NAALADL2: variants seen among roughly 807,000 people sequenced by gnomAD.
NAALADL2 encodes the protein N-acetylated alpha-linked acidic dipeptidase like 2, also known as inactive N-acetylated-alpha-linked acidic dipeptidase-like protein 2.
In NAALADL2, 76 loss-of-function variants were observed where a neutral mutation model predicts 87.2. That is an observed-to-expected ratio of 0.87 (90% CI 0.72 to 1.05). The LOEUF (loss-of-function observed/expected upper bound fraction) is 1.05. Among genes scored for constraint, NAALADL2 ranks in the 50% least tolerant of loss-of-function variants. The pLI is 0.00. For missense variants in NAALADL2, 1,089 were observed against 945.8 expected (o/e 1.15, Z -1.99); for synonymous variants, 354 against 331.0 (o/e 1.07, Z -0.75).
At chr3:175,288,932 A>C (rs1025322540) in intron 4 of NAALADL2, among the ~76,000 whole-genome samples, 2 of 152,172 alleles carry the variant, frequency 1.3e-5, no homozygotes, top group African/African-American at 4.8e-5. Context: ...GGAGGTCAAA[A>C]GAGACAAAAC....
intron 13 of NAALADL2, among the ~76,000 whole-genome samples, chr3:175,759,839 TG>T (rs1747765154): frequency 6.6e-6 from 1 of 152,074 alleles, no homozygotes; most frequent in East Asian, 1.9e-4. Flanking sequence ...ATTGGGTTAG[TG>T]GTTATGGAAA....
At chr3:174,884,050 C>T (rs562484577) in intron 1 of NAALADL2, among the ~76,000 whole-genome samples, 1 of 152,216 alleles carries the variant, frequency 6.6e-6, no homozygotes, top group African/African-American at 2.4e-5. Flanking sequence ...CCGAAGAGTC[C>T]AGGTGGCAAT....
At chr3:175,617,417 C>T (rs977622477) in intron 10 of NAALADL2, among the ~76,000 whole-genome samples, 1 of 152,154 alleles carries the variant, frequency 6.6e-6, no homozygotes, top group South Asian at 2.1e-4. Flanking sequence ...ACAGTCCACC[C>T]TCCAGTTGTC....
chr3:175,522,084 T>C (rs999318886), intron 9 of NAALADL2, among the ~76,000 whole-genome samples: 22 of 152,342 alleles, frequency 1.4e-4, no homozygotes, highest in Admixed American at 8.5e-4. Context: ...TTAATTTTCC[T>C]ATTAGCTATA....
At chr3:175,462,069 C>T (rs1039630090) in intron 6 of NAALADL2, among the ~76,000 whole-genome samples, 1 of 152,110 alleles carries the variant, frequency 6.6e-6, no homozygotes, top group African/African-American at 2.4e-5. Flanking sequence ...GAATATACAA[C>T]ACAAAAAGTG....
chr3:175,635,557 AC>A (rs1277564108), intron 11 of NAALADL2, among the ~76,000 whole-genome samples: 1 of 152,152 alleles, frequency 6.6e-6, no homozygotes, highest in Non-Finnish European at 1.5e-5. Context: ...GCAGAAGAAA[AC>A]TATTTTAATA....
intron 4 of NAALADL2, among the ~76,000 whole-genome samples, chr3:175,258,324 C>CCCCAA (rs1750418065): frequency 2.0e-5 from 2 of 100,714 alleles, no homozygotes; most frequent in South Asian, 3.0e-4. Context: ...CCCCCACCAC[C>CCCCAA]AAAAAAAAAA....
At chr3:174,894,689 A>G (rs1731293257) in intron 1 of NAALADL2, among the ~76,000 whole-genome samples, 1 of 150,354 alleles carries the variant, frequency 6.7e-6, no homozygotes, top group Admixed American at 6.7e-5. Flanking sequence ...GACAACATAG[A>G]TCTAATAGAT....
intron 1 of NAALADL2, among the ~76,000 whole-genome samples, chr3:174,446,577 G>A (rs146332873): frequency 8.0e-4 from 121 of 152,190 alleles, no homozygotes; most frequent in Non-Finnish European, 1.3e-3. Flanking sequence ...TCTTTAAATA[G>A]TATGTGTGTG....
intron 1 of NAALADL2, among the ~76,000 whole-genome samples, chr3:174,975,154 C>T (rs771944275): frequency 3.3e-5 from 5 of 152,104 alleles, no homozygotes; most frequent in Non-Finnish European, 5.9e-5. Flanking sequence ...TGTGCACCAG[C>T]ATATTGGATC....
intron 2 of NAALADL2, among the ~76,000 whole-genome samples, chr3:174,688,530 G>A (rs1423242994): frequency 6.6e-6 from 1 of 152,002 alleles, no homozygotes; most frequent in Non-Finnish European, 1.5e-5. Context: ...TCTTATAACA[G>A]TATCTGGCAT....
intron 3 of NAALADL2, among the ~76,000 whole-genome samples, chr3:175,251,482 C>T (rs1749054579): frequency 6.6e-6 from 1 of 152,180 alleles, no homozygotes; most frequent in African/African-American, 2.4e-5. Context: ...GAATGGATAG[C>T]TTAAGTAACT....
At chr3:175,083,148 A>G (rs533762035) in intron 1 of NAALADL2, among the ~76,000 whole-genome samples, 75 of 152,200 alleles carry the variant, frequency 4.9e-4, no homozygotes, top group Non-Finnish European at 7.9e-4. Context: ...TGGATTTTCC[A>G]GGAACCACCC....
At chr3:175,294,353 C>G (rs1756041444) in intron 4 of NAALADL2, among the ~76,000 whole-genome samples, 1 of 146,884 alleles carries the variant, frequency 6.8e-6, no homozygotes, top group Admixed American at 6.7e-5. Flanking sequence ...ATATTCACCA[C>G]TGTGTATAGA....
At chr3:175,515,595 CT>C (rs1200862862) in intron 9 of NAALADL2, among the ~76,000 whole-genome samples, 1 of 150,930 alleles carries the variant, frequency 6.6e-6, no homozygotes, top group Non-Finnish European at 1.5e-5. Flanking sequence ...AAATACACAA[CT>C]GCCCAAAGAG....
chr3:174,765,934 C>T (rs531347293), intron 3 of NAALADL2, among the ~76,000 whole-genome samples: 70 of 152,228 alleles, frequency 4.6e-4, no homozygotes, highest in African/African-American at 6.5e-4. Context: ...TGACTGTTGC[C>T]GGCTTGAGTG....
chr3:175,344,581 CT>C (rs1762932742), intron 5 of NAALADL2, among the ~76,000 whole-genome samples: 1 of 151,792 alleles, frequency 6.6e-6, no homozygotes, highest in African/African-American at 2.4e-5. Flanking sequence ...GTGTTTTTAT[CT>C]TTTATCTTGG....
intron 1 of NAALADL2, among the ~76,000 whole-genome samples, chr3:175,016,077 A>G (rs1750767076): frequency 1.3e-5 from 2 of 151,614 alleles, no homozygotes; most frequent in South Asian, 4.1e-4. Flanking sequence ...TGAATAGTAC[A>G]ATATTCACCT....
At position 175,534,357 on chromosome 3, in the gene NAALADL2, A is replaced by G. The variant is rs188007651; in HGVS notation, c.1654-41684A>G. Among the ~76,000 whole-genome samples, 339 of 152,306 alleles carry G rather than the reference A, an allele frequency of 2.2e-3. 5 individuals are homozygous for G. Among genetic ancestry groups the G allele is most frequent in the African/African-American group, 7.3e-3 (302 of 41,558 alleles). ...AAGGTCCCACAATAGGCTGTCTGCA[A>G]GCTAAGGAGCAAGGAAAGCCCATCC... is the stretch of plus-strand genomic sequence containing the variant. On this transcript the variant is annotated intron_variant, in intron 9 of 13. Transcript: ENST00000454872.
Sources: allele counts gnomAD v4.1 joint callset (sites outside exome capture counted in the v4.1 genomes callset), GRCh38; gene constraint gnomAD v4.1.1; transcripts MANE v1.5; gene names NCBI Gene and HGNC (gene_info 2026-07-23, HGNC 2026-07-21).